Variants in XPO4 observed in about 807,000 individuals in gnomAD.
The protein encoded by XPO4 is exportin-4.
In XPO4, 39 loss-of-function variants were observed where a neutral mutation model predicts 143.0. The ratio of observed to expected loss-of-function variants is 0.27; its 90% CI spans 0.21 to 0.36. The LOEUF (loss-of-function observed/expected upper bound fraction) is 0.36, where lower values mean the gene tolerates loss of function less well. XPO4 is among the 10% of genes least tolerant of loss of function. The pLI, the probability that XPO4 is intolerant of heterozygous loss-of-function variation, is 1.00. For synonymous variants in XPO4, 439 were observed against 474.0 expected, an observed-to-expected ratio of 0.93 and a Z score of 0.96; for missense variants, 907 against 1,348.0, an observed-to-expected ratio of 0.67 and a Z score of 5.12.
In XPO4 at chr13:20,885,321, C is replaced by G. The variant is rs2060451546; in HGVS notation, c.70-16620G>C. Among the ~76,000 whole-genome samples, 5 of 151,906 alleles carry G rather than the reference C, an allele frequency of 3.3e-5. No individual in the cohort carries two copies. The South Asian group carries it at 1.0e-3, about 32-fold the overall frequency. ...ACAGAATATACATATTATCTTTGGA[C>G]TAAATTGAATATGCATGTTAAAATG... On this transcript the variant is annotated intron_variant, in intron 1 of 22. Transcript: ENST00000255305.
Position 20,902,223 on chromosome 13 carries a change from A to G in XPO4, c.69+447T>C, listed in dbSNP as rs2060627826. On this transcript the variant is annotated intron_variant, in intron 1 of 22. Transcript: ENST00000255305. Reference sequence around the variant, plus strand: ...GCGCTAGAGGATGCGAATGCACAGGAAACAAGGGTTGCTAACAGCACCCAG... The same window carrying G: ...GCGCTAGAGGATGCGAATGCACAGGGAACAAGGGTTGCTAACAGCACCCAG... The G allele has an allele frequency of 4.1e-6, 4 of 985,318 alleles. No individual in the cohort carries two copies. In the South Asian group the frequency reaches 1.9e-4, roughly 46 times the overall value. The allele number at this position is 985,318 out of a possible 1,614,324, so 61.0% of individuals were successfully genotyped here.
intron 1 of XPO4, among the ~76,000 whole-genome samples, chr13:20,901,464 T>A (rs544414961): frequency 1.1e-4 from 17 of 152,212 alleles, no homozygotes; most frequent in Non-Finnish European, 2.1e-4. Context: ...CAGGGATTTT[T>A]AAGAATCTTT....
chr13:20,839,685 T>A (rs889225723), intron 6 of XPO4, among the ~76,000 whole-genome samples: 4 of 151,690 alleles, frequency 2.6e-5, no homozygotes, highest in Admixed American at 2.6e-4. Context: ...AAAATTAAAA[T>A]AAAAAAATTA....
At chr13:20,816,988 G>C (rs2137931840) in intron 9 of XPO4, among the ~76,000 whole-genome samples, 1 of 152,274 alleles carries the variant, frequency 6.6e-6, no homozygotes, top group African/African-American at 2.4e-5. Context: ...TGTGCTTGAT[G>C]GGTGGGGGGC....
intron 1 of XPO4, among the ~76,000 whole-genome samples, chr13:20,888,472 TC>T (rs1316318542): frequency 1.3e-5 from 2 of 152,180 alleles, no homozygotes; most frequent in African/African-American, 2.4e-5. Flanking sequence ...CACTTCAGCC[TC>T]CTGAGTAGAT....
chr13:20,796,303 A>G (rs2059358039), intron 17 of XPO4, 47 bp from the exon 18 acceptor site: 1 of 1,364,634 alleles, frequency 7.3e-7, no homozygotes, highest in Admixed American at 2.9e-5. Flanking sequence ...GTACACTGAC[A>G]TTAAAAAAAT....
At chr13:20,854,241 G>A (rs9550672) in intron 4 of XPO4, among the ~76,000 whole-genome samples, 1 of 151,994 alleles carries the variant, frequency 6.6e-6, no homozygotes, top group Non-Finnish European at 1.5e-5. Context: ...GACTCCTGAG[G>A]TATCAGTCTG....
At position 20,797,061 on chromosome 13, in the gene XPO4, T is replaced by C. The variant is rs750390616; in HGVS notation, c.2323-4A>G. 6.4e-7 allele frequency: 1 copy of C among 1,563,910 alleles called. No homozygotes were observed. Among genetic ancestry groups the C allele is most frequent in the Non-Finnish European group, 8.6e-7 (1 of 1,157,398 alleles). On this transcript the variant is annotated splice_polypyrimidine_tract_variant and splice_region_variant and intron_variant, in intron 16 of 22. Transcript: ENST00000255305. ...GCTGCTGAAGTGGCTGAAGAACCTA[T>C]AAAAATAAACCAGGAATTTTCTTAA...
intron 19 of XPO4, among the ~76,000 whole-genome samples, chr13:20,790,019 C>A (rs1289553199): frequency 6.6e-6 from 1 of 152,176 alleles, no homozygotes; most frequent in Non-Finnish European, 1.5e-5. Flanking sequence ...GCATACCATC[C>A]CATTTTTACA....
intron 2 of XPO4, among the ~76,000 whole-genome samples, chr13:20,863,740 A>G (rs2060221753): frequency 6.6e-6 from 1 of 152,246 alleles, no homozygotes; most frequent in South Asian, 2.1e-4. Context: ...AATCCATGAA[A>G]AGCTCATGAT....
In XPO4 at chr13:20,788,607, G is replaced by A. The variant is rs2059237722; in HGVS notation, c.2926C>T (p.Leu976Phe). The stretch of plus-strand genomic sequence containing the variant: ...ATTAATTTGTAGTACTGATTACAAA[G>A]GGTTGGAAACTGAAAAAGAAATATT... ...MSQDLLKFPT[L>F]CNQYYKLITF... The change falls in exon 20 of 23, where the codon CTT (leucine) becomes TTT (phenylalanine). Residue 976 changes from leucine to phenylalanine, a missense_variant. Leu to Phe is a conservative substitution (Grantham distance 22). Transcript: ENST00000255305. 1 of 1,595,392 alleles carries A rather than the reference G, an allele frequency of 6.3e-7. No homozygotes were observed. The highest frequency in any genetic ancestry group is 8.5e-7 in the Non-Finnish European group (1 of 1,173,458).
Position 20,902,692 on chromosome 13 carries a change from T to G in XPO4, c.47A>C (p.Glu16Ala). The change falls in exon 1 of 23, where the codon GAG (glutamate) becomes GCG (alanine). Residue 16 changes from glutamate to alanine, a missense_variant. Glu to Ala is a moderately radical substitution (Grantham distance 107, BLOSUM62 -1). Transcript: ENST00000255305. ...LGPPEVIAQL[E>A]NAAKVLMAPP... ...CACCATCAGAACTTTAGCCGCGTTC[T>G]CCAGCTGAGCGATCACTTCTGGGGG... The G allele has an allele frequency of 6.3e-7, 1 of 1,584,770 alleles. No individual in the cohort carries two copies. Among genetic ancestry groups the G allele is most frequent in the East Asian group, 2.4e-5 (1 of 41,320 alleles).
chr13:20,783,461 A>G lies in XPO4; in HGVS notation c.*261T>C. Reference sequence around the variant, plus strand: ...CCCATATCTGTTTGCACATATATGGAATTTCATTTTGAAAATTTTAAATCA... The same window carrying G: ...CCCATATCTGTTTGCACATATATGGGATTTCATTTTGAAAATTTTAAATCA... On this transcript the variant is annotated 3_prime_UTR_variant, in exon 23 of 23. Transcript: ENST00000255305. The G allele has an allele frequency of 2.0e-6, 1 of 504,144 alleles. No homozygotes were observed. The highest frequency in any genetic ancestry group is 3.6e-6 in the Non-Finnish European group (1 of 281,492). 31.2% of individuals were successfully genotyped at this position (504,144 alleles called of 1,614,324 possible).
intron 4 of XPO4, among the ~76,000 whole-genome samples, chr13:20,846,175 C>T (rs1445140171): frequency 1.3e-5 from 2 of 152,318 alleles, no homozygotes; most frequent in South Asian, 4.1e-4. Context: ...TTGTGTCTTA[C>T]TGCATTCACC....
intron 1 of XPO4, among the ~76,000 whole-genome samples, chr13:20,878,370 T>C (rs2060374047): frequency 6.6e-6 from 1 of 151,806 alleles, no homozygotes; most frequent in Non-Finnish European, 1.5e-5. Context: ...CTTTCCCACA[T>C]ACATACAAAG....
Position 20,799,246 on chromosome 13 carries a change from C to A in XPO4, c.2241G>T (p.Val747=). Residue 747 remains valine (V), a synonymous_variant, in exon 16 of 23, where the codon GTG becomes GTT. Coordinates refer to ENST00000255305, the MANE Select transcript of XPO4 (RefSeq NM_022459.5). ...SPPLNFLSSP[V]QRTLMKALVL... ...CTAGAGCCTTCATCAATGTCCTCTG[C>A]ACAGGACTTGACAAGAAATTAAGAG... The A allele has an allele frequency of 6.2e-7, 1 of 1,614,006 alleles. No homozygotes were observed. The highest frequency in any genetic ancestry group is 1.1e-5 in the South Asian group (1 of 91,072).
intron 1 of XPO4, among the ~76,000 whole-genome samples, chr13:20,880,410 C>T (rs1429358383): frequency 1.3e-5 from 2 of 149,208 alleles, no homozygotes; most frequent in African/African-American, 5.0e-5. Flanking sequence ...CCAGCCTGGG[C>T]GACAAGAGCG....
At chr13:20,881,274 A>AT (rs1197563245) in intron 1 of XPO4, among the ~76,000 whole-genome samples, 55 of 147,286 alleles carry the variant, frequency 3.7e-4, no homozygotes, top group South Asian at 2.6e-3. Flanking sequence ...TTTTACAATA[A>AT]TTTTTTTTTT....
chr13:20,819,466 C>T (rs1262720542), intron 9 of XPO4, among the ~76,000 whole-genome samples: 2 of 152,068 alleles, frequency 1.3e-5, no homozygotes, highest in African/African-American at 2.4e-5. Context: ...TTGAGACCAG[C>T]CTGGCCAACA....
Sources: gnomAD v4.1 joint callset for allele counts (sites outside exome capture counted in the v4.1 genomes callset) on GRCh38, gnomAD v4.1.1 for gene constraint, MANE v1.5 for transcripts, NCBI Gene and HGNC (gene_info 2026-07-23, HGNC 2026-07-21) for gene names.